The following LYPLAL1 variants were observed in gnomAD, a reference collection of about 807,000 sequenced individuals.
LYPLAL1 encodes the protein lysophospholipase like 1, also known as lysophospholipase-like protein 1.
In LYPLAL1, 23 loss-of-function variants were observed where a neutral mutation model predicts 19.7. That is an observed-to-expected ratio of 1.17 (90% CI 0.84 to 1.65). The LOEUF (loss-of-function observed/expected upper bound fraction) is 1.65. Ranked by LOEUF, LYPLAL1 falls within the 40% of genes most tolerant of loss-of-function variation. The pLI is 0.00. For synonymous variants in LYPLAL1, 119 were observed against 96.3 expected, an observed-to-expected ratio of 1.24 and a Z score of -1.38; for missense variants, 355 against 279.4, an observed-to-expected ratio of 1.27 and a Z score of -1.93.
the LYPLAL1 span, among the ~76,000 whole-genome samples, chr1:219,404,934 G>C: frequency 2.0e-5 from 3 of 152,228 alleles, no homozygotes; most frequent in African/African-American, 7.2e-5. Flanking sequence ...TTTATAAATT[G>C]TTTATGAAAA....
At chr1:219,330,357 CCAAA>C in the LYPLAL1 span, among the ~76,000 whole-genome samples, 1 of 152,084 alleles carries the variant, frequency 6.6e-6, no homozygotes, top group African/African-American at 2.4e-5. Context: ...TATTTTAAAT[CCAAA>C]CAGAGACTCA....
At chr1:219,408,820 G>A in the LYPLAL1 span, among the ~76,000 whole-genome samples, 1,855 of 152,278 alleles carry the variant, frequency 0.012, 43 homozygotes, top group African/African-American at 0.041. Context: ...GAAAAACAGT[G>A]AGTATGTCAG....
At chr1:219,401,497 A>G in the LYPLAL1 span, among the ~76,000 whole-genome samples, 3 of 151,634 alleles carry the variant, frequency 2.0e-5, no homozygotes, top group Admixed American at 6.6e-5. Flanking sequence ...TCTATTTATA[A>G]AAGTGTTTCA....
chr1:219,185,465 G>A (rs1401073124), intron 2 of LYPLAL1, among the ~76,000 whole-genome samples: 1 of 151,660 alleles, frequency 6.6e-6, no homozygotes, highest in Non-Finnish European at 1.5e-5. Context: ...CTGTAGCTAA[G>A]TTCCACTAAT....
the LYPLAL1 span, among the ~76,000 whole-genome samples, chr1:219,340,903 T>C: frequency 6.6e-6 from 1 of 152,090 alleles, no homozygotes; most frequent in African/African-American, 2.4e-5. Flanking sequence ...GAGAGGGCAA[T>C]GAGTAATACC....
chr1:219,292,411 C>A, the LYPLAL1 span, among the ~76,000 whole-genome samples: 2 of 152,202 alleles, frequency 1.3e-5, no homozygotes, highest in African/African-American at 4.8e-5. Context: ...CCTGCCCATG[C>A]TACCTGGGAG....
the LYPLAL1 span, among the ~76,000 whole-genome samples, chr1:219,412,738 A>G: frequency 6.6e-6 from 1 of 152,216 alleles, no homozygotes; most frequent in African/African-American, 2.4e-5. Context: ...ATGAAATGAG[A>G]AGTGTCCTTT....
chr1:219,248,886 C>G, the LYPLAL1 span, among the ~76,000 whole-genome samples: 8 of 151,998 alleles, frequency 5.3e-5, no homozygotes, highest in African/African-American at 1.9e-4. Context: ...GAAACAAGCA[C>G]TTTGGCATAC....
At chr1:219,222,910 A>C in the LYPLAL1 span, 1 of 152,132 alleles carries the variant, frequency 6.6e-6, no homozygotes. Flanking sequence ...GGCAAAAGGC[A>C]CTAGGGGGGT....
chr1:219,445,073 A>G, the LYPLAL1 span, among the ~76,000 whole-genome samples: 1 of 152,122 alleles, frequency 6.6e-6, no homozygotes, highest in Non-Finnish European at 1.5e-5. Context: ...GTGAATAAAA[A>G]AAAAAAACAA....
the LYPLAL1 span, among the ~76,000 whole-genome samples, chr1:219,245,175 C>CCCTTCCTTCCTTCCTTCCTTCCTTCCTT: frequency 1.5e-5 from 2 of 132,500 alleles, no homozygotes; most frequent in African/African-American, 5.9e-5. Flanking sequence ...CCTCTTCCAT[C>CCCTTCCTTCCTTCCTTCCTTCCTTCCTT]CCTTCCTTCC....
At chr1:219,287,329 C>G in the LYPLAL1 span, among the ~76,000 whole-genome samples, 2 of 152,106 alleles carry the variant, frequency 1.3e-5, no homozygotes, top group Non-Finnish European at 2.9e-5. Context: ...CCATTGCTAC[C>G]CCAAGCTACC....
chr1:219,397,338 G>A, the LYPLAL1 span, among the ~76,000 whole-genome samples: 4 of 152,088 alleles, frequency 2.6e-5, no homozygotes, highest in Admixed American at 6.5e-5. Flanking sequence ...GAGGATTTTT[G>A]CATCAATGTT....
the LYPLAL1 span, among the ~76,000 whole-genome samples, chr1:219,249,389 G>C: frequency 6.6e-6 from 1 of 151,890 alleles, no homozygotes; most frequent in South Asian, 2.1e-4. Context: ...ATTCACTCCT[G>C]TGTAATATTC....
At chr1:219,221,923 C>T in the LYPLAL1 span, among the ~76,000 whole-genome samples, 1 of 152,264 alleles carries the variant, frequency 6.6e-6, no homozygotes, top group South Asian at 2.1e-4. Context: ...GCTCAACACT[C>T]ACGTTATGGT....
At chr1:219,177,675 AC>A (rs1655938140) in intron 1 of LYPLAL1, among the ~76,000 whole-genome samples, 1 of 151,968 alleles carries the variant, frequency 6.6e-6, no homozygotes, top group African/African-American at 2.4e-5. Context: ...TAATTTTACC[AC>A]CTAAATTTCT....
At chr1:219,369,146 C>T in the LYPLAL1 span, among the ~76,000 whole-genome samples, 1 of 152,166 alleles carries the variant, frequency 6.6e-6, no homozygotes, top group Non-Finnish European at 1.5e-5. Context: ...TGAAACAGAC[C>T]AGAGACAATA....
At chr1:219,228,928 C>G in the LYPLAL1 span, among the ~76,000 whole-genome samples, 1 of 152,110 alleles carries the variant, frequency 6.6e-6, no homozygotes, top group East Asian at 1.9e-4. Context: ...ATCCGCCTGC[C>G]TAGGCCTCAC....
chr1:219,331,488 C>T, the LYPLAL1 span, among the ~76,000 whole-genome samples: 1 of 152,092 alleles, frequency 6.6e-6, no homozygotes, highest in Non-Finnish European at 1.5e-5. Flanking sequence ...GACTGGTGGA[C>T]CAGCCAGGAC....
Sources: gnomAD v4.1 joint callset for allele counts (sites outside exome capture counted in the v4.1 genomes callset) on GRCh38, gnomAD v4.1.1 for gene constraint, MANE v1.5 for transcripts, NCBI Gene and HGNC (gene_info 2026-07-23, HGNC 2026-07-21) for gene names.